The following FAM220A variants were observed in gnomAD, a reference collection of about 807,000 sequenced individuals.
FAM220A encodes the protein family with sequence similarity 220 member A, also known as protein FAM220A.
For synonymous variants in FAM220A, 141 were observed against 130.7 expected (o/e 1.08, Z -0.54); for missense variants, 392 against 321.6 (o/e 1.22, Z -1.68).
Position 6,330,493 on chromosome 7 carries a change from G to T in FAM220A, c.662C>A (p.Ser221Ter). ...TTTCTTGAATTCTATTGTTTGCTTTGAAAACATGGGCTTTAAACGGTCAAG... is the reference window on the plus strand; with the variant it reads ...TTTCTTGAATTCTATTGTTTGCTTTTAAAACATGGGCTTTAAACGGTCAAG... ...IFLDRLKPMFSKQTIEFKKML... is the reference protein window; with the variant it reads ...IFLDRLKPMF Residue 221 changes from serine (S) to a stop codon, truncating the protein, a stop_gained, in exon 2 of 2, where the codon TCA becomes TAA. Coordinates refer to ENST00000313324, the MANE Select transcript of FAM220A (RefSeq NM_001037163.2). LOFTEE classifies it low-confidence loss of function (END_TRUNC). The T allele has an allele frequency of 6.2e-7, 1 of 1,614,142 alleles. No individual in the cohort carries two copies. The highest frequency in any genetic ancestry group is 8.5e-7 in the Non-Finnish European group (1 of 1,180,032).
intron 1 of FAM220A, among the ~76,000 whole-genome samples, chr7:6,340,009 T>C (rs1000416847): frequency 6.6e-6 from 1 of 152,022 alleles, no homozygotes; most frequent in Non-Finnish European, 1.5e-5. Flanking sequence ...CTCAGCCTCC[T>C]GAGTAGCTGG....
intron 1 of FAM220A, among the ~76,000 whole-genome samples, chr7:6,337,432 T>C (rs1408172032): frequency 6.6e-6 from 1 of 151,426 alleles, no homozygotes; most frequent in Non-Finnish European, 1.5e-5. Flanking sequence ...AGTATTTTAA[T>C]TCTCAAGAAA....
intron 1 of FAM220A, among the ~76,000 whole-genome samples, chr7:6,339,237 G>A (rs1177296328): frequency 6.6e-6 from 1 of 152,138 alleles, no homozygotes; most frequent in African/African-American, 2.4e-5. Context: ...GGAGGCCGAG[G>A]TGGGGAGATC....
intron 1 of FAM220A, among the ~76,000 whole-genome samples, chr7:6,339,761 GT>G (rs1167828966): frequency 6.6e-6 from 1 of 151,754 alleles, no homozygotes; most frequent in Non-Finnish European, 1.5e-5. Flanking sequence ...AAGAGCCACT[GT>G]GCCCAGCCGT....
chr7:6,335,226 CTATTTTTT>C (rs1217272156), intron 1 of FAM220A, among the ~76,000 whole-genome samples: 1 of 138,182 alleles, frequency 7.2e-6, no homozygotes, highest in Non-Finnish European at 1.6e-5. Flanking sequence ...CCATGCCCAG[CTATTTTTT>C]TTTTTTAAAT....
Position 6,329,920 on chromosome 7 carries a change from T to C in FAM220A, c.*455A>G, listed in dbSNP as rs1781594034. 5.9e-6 allele frequency: 1 copy of C among 170,316 alleles called. No homozygotes were observed. Among genetic ancestry groups the C allele is most frequent in the African/African-American group, 2.4e-5 (1 of 41,476 alleles). 10.6% of individuals were successfully genotyped at this position (170,316 alleles called of 1,614,324 possible). A position where few individuals can be genotyped will look rare whatever the true frequency, so the allele number is the denominator to read the frequency against. On this transcript the variant is annotated 3_prime_UTR_variant, in exon 2 of 2. Coordinates refer to ENST00000313324, the MANE Select transcript of FAM220A (RefSeq NM_001037163.2). ...TGCAGACCAAAATCATTCTACAAAA[T>C]GTAGACATGGTAACAGCTTACCACG...
At chr7:6,345,179 A>G (rs1245483330) in intron 1 of FAM220A, among the ~76,000 whole-genome samples, 1 of 151,808 alleles carries the variant, frequency 6.6e-6, no homozygotes, top group African/African-American at 2.4e-5. Flanking sequence ...GTGCAGCATC[A>G]TGATCACGGC....
chr7:6,331,304 C>A (rs1781630083), intron 1 of FAM220A, 69 bp from the exon 2 acceptor site: 2 of 701,794 alleles, frequency 2.8e-6, no homozygotes, highest in Non-Finnish European at 4.8e-6. Context: ...CTACACCCAC[C>A]AAATATTTCC....
chr7:6,341,687 C>CAAA (rs536695454), intron 1 of FAM220A, among the ~76,000 whole-genome samples: 60 of 110,712 alleles, frequency 5.4e-4, no homozygotes, highest in Non-Finnish European at 9.3e-4. Context: ...AAGACTCTGT[C>CAAA]AAAAAAAAAA....
At chr7:6,337,294 G>C (rs865850576) in intron 1 of FAM220A, among the ~76,000 whole-genome samples, 13 of 151,882 alleles carry the variant, frequency 8.6e-5, no homozygotes, top group Admixed American at 2.6e-4. Context: ...CATTAATTTT[G>C]TATTTTGAGT....
intron 1 of FAM220A, among the ~76,000 whole-genome samples, chr7:6,333,937 C>T (rs1322056851): frequency 1.3e-5 from 2 of 149,952 alleles, no homozygotes; most frequent in African/African-American, 4.9e-5. Flanking sequence ...AGCTCCACCT[C>T]CCGGGTTCAC....
intron 1 of FAM220A, among the ~76,000 whole-genome samples, chr7:6,343,291 C>A (rs1284921610): frequency 6.7e-6 from 1 of 150,202 alleles, no homozygotes; most frequent in African/African-American, 2.4e-5. Flanking sequence ...GCAGGAGAAT[C>A]GCTTGAACCT....
chr7:6,338,857 G>A (rs887676507), intron 1 of FAM220A, among the ~76,000 whole-genome samples: 1 of 152,186 alleles, frequency 6.6e-6, no homozygotes, highest in African/African-American at 2.4e-5. Flanking sequence ...TAGTCCCAAA[G>A]GGGAGAAGAC....
chr7:6,340,477 T>G (rs1435181467), intron 1 of FAM220A, among the ~76,000 whole-genome samples: 1 of 152,068 alleles, frequency 6.6e-6, no homozygotes, highest in Non-Finnish European at 1.5e-5. Context: ...TGGAGTCGGC[T>G]GAAGCACGGA....
chr7:6,337,813 A>G (rs1321741872), intron 1 of FAM220A, among the ~76,000 whole-genome samples: 2 of 151,224 alleles, frequency 1.3e-5, no homozygotes, highest in African/African-American at 4.9e-5. Flanking sequence ...TTATTTATTT[A>G]TTTATTTTGA....
chr7:6,344,372 T>C (rs1781919792), intron 1 of FAM220A, among the ~76,000 whole-genome samples: 1 of 152,138 alleles, frequency 6.6e-6, no homozygotes, highest in African/African-American at 2.4e-5. Flanking sequence ...ACCCCCATGA[T>C]GTGACATGGC....
chr7:6,335,064 G>A (rs897726417), intron 1 of FAM220A, among the ~76,000 whole-genome samples: 2 of 151,766 alleles, frequency 1.3e-5, no homozygotes, highest in Non-Finnish European at 2.9e-5. Context: ...ACCGCACCCA[G>A]CCAGTGGTTA....
At chr7:6,346,510 G>A (rs1347332445) in intron 1 of FAM220A, among the ~76,000 whole-genome samples, 2 of 152,162 alleles carry the variant, frequency 1.3e-5, no homozygotes, top group African/African-American at 4.8e-5. Flanking sequence ...GGGACTACAG[G>A]TGCACGCCAC....
chr7:6,332,272 C>G (rs1781652627), intron 1 of FAM220A, among the ~76,000 whole-genome samples: 1 of 151,950 alleles, frequency 6.6e-6, no homozygotes. Flanking sequence ...TGCCCAAAAC[C>G]TTAAGAGTAA....
Sources: allele counts gnomAD v4.1 joint callset (sites outside exome capture counted in the v4.1 genomes callset), GRCh38; gene constraint gnomAD v4.1.1; transcripts MANE v1.5; gene names NCBI Gene and HGNC (gene_info 2026-07-23, HGNC 2026-07-21).